AOAH: variants seen among roughly 807,000 people sequenced by gnomAD.
The protein encoded by AOAH is acyloxyacyl hydrolase (neutrophil).
In AOAH, 64 loss-of-function variants were observed where a neutral mutation model predicts 92.2. That is an observed-to-expected ratio of 0.69 (90% CI 0.57 to 0.86). The LOEUF (loss-of-function observed/expected upper bound fraction) is 0.86, where lower values mean the gene tolerates loss of function less well. AOAH is among the 40% of genes least tolerant of loss of function. The pLI is 0.00. For missense variants in AOAH, 656 were observed against 694.6 expected (o/e 0.94, Z 0.62); for synonymous variants, 263 against 254.5 (o/e 1.03, Z -0.32).
chr7:36,514,474 T>C, intron 20 of AOAH: 1 of 1,534,418 alleles, frequency 6.5e-7, no homozygotes, highest in Non-Finnish European at 8.7e-7. Context: ...AGGCTTACTC[T>C]CTGGTTCTGC....
intron 11 of AOAH, among the ~76,000 whole-genome samples, chr7:36,608,910 AGGG>A (rs1198057785): frequency 5.8e-4 from 10 of 17,266 alleles, no homozygotes; most frequent in Admixed American, 1.4e-3. Context: ...TGCGGCGGGG[AGGG>A]GGGGGGGTCT....
intron 3 of AOAH, among the ~76,000 whole-genome samples, chr7:36,666,345 A>C (rs1795530904): frequency 6.6e-6 from 1 of 152,026 alleles, no homozygotes; most frequent in African/African-American, 2.4e-5. Flanking sequence ...AATTATTCAT[A>C]ATATTTCTTG....
At chr7:36,557,605 G>T (rs1284948169) in intron 13 of AOAH, among the ~76,000 whole-genome samples, 1 of 152,154 alleles carries the variant, frequency 6.6e-6, no homozygotes, top group Non-Finnish European at 1.5e-5. Context: ...CATTCTCCCT[G>T]TCACTTTCAG....
At position 36,556,128 on chromosome 7, in the gene AOAH, T is replaced by C. The variant is rs1394037500; in HGVS notation, c.1022-6653A>G. 3.3e-5 allele frequency among the ~76,000 whole-genome samples: 5 copies of C among 152,202 alleles called. No individual in the cohort carries two copies. In the East Asian group the frequency reaches 9.6e-4, roughly 29 times the overall value. ...TTTCTCTTGTGGACATTTAGTGCTA[T>C]AAATTTCCCTCTACACACTGCTTTT... On this transcript the variant is annotated intron_variant, in intron 13 of 20. Transcript: ENST00000617537.
intron 13 of AOAH, among the ~76,000 whole-genome samples, chr7:36,575,100 A>C (rs921842199): frequency 3.3e-5 from 5 of 152,096 alleles, no homozygotes; most frequent in Non-Finnish European, 7.3e-5. Flanking sequence ...TCACTAAAGG[A>C]AAAAGAAAGT....
At chr7:36,719,840 G>A (rs1472810182) in intron 1 of AOAH, among the ~76,000 whole-genome samples, 6 of 152,212 alleles carry the variant, frequency 3.9e-5, no homozygotes. Context: ...GGAGGCTGAG[G>A]TGGGAGGATC....
chr7:36,592,351 C>T (rs1042621492), intron 12 of AOAH, among the ~76,000 whole-genome samples: 1 of 152,152 alleles, frequency 6.6e-6, no homozygotes, highest in African/African-American at 2.4e-5. Flanking sequence ...GAAGATGGGA[C>T]TGAGGCTAGG....
At position 36,632,114 on chromosome 7, in the gene AOAH, G is replaced by GA. The variant is rs3832509; in HGVS notation, c.451-9dup. Reference sequence around the variant, plus strand: ...ACCACTTCTAGAATATTTCTGGGGAGAAAAAAAAAAACAAAAAGAGAGTTG... The same window carrying GA: ...ACCACTTCTAGAATATTTCTGGGGAGAAAAAAAAAAAACAAAAAGAGAGTTG... On this transcript the variant is annotated splice_polypyrimidine_tract_variant and intron_variant, in intron 5 of 20. Coordinates refer to ENST00000617537, the MANE Select transcript of AOAH (RefSeq NM_001637.4). 0.072 allele frequency: 74,931 copies of GA among 1,044,722 alleles called. No individual in the cohort carries two copies. The highest frequency in any genetic ancestry group is 0.076 in the South Asian group (4,229 of 55,576). The allele number at this position is 1,044,722 out of a possible 1,614,324, so 64.7% of individuals were successfully genotyped here.
At chr7:36,668,831 T>C (rs1795724509) in intron 3 of AOAH, among the ~76,000 whole-genome samples, 1 of 152,258 alleles carries the variant, frequency 6.6e-6, no homozygotes, top group Non-Finnish European at 1.5e-5. Flanking sequence ...TGTTGGTTTT[T>C]CAGTTTGTTC....
chr7:36,530,305 TA>T, intron 19 of AOAH, 112 bp downstream of exon 19: 1 of 710,704 alleles, frequency 1.4e-6, no homozygotes, highest in Non-Finnish European at 2.5e-6. Flanking sequence ...TAGGCAGGAG[TA>T]ACCCTGCCGA....
intron 2 of AOAH, among the ~76,000 whole-genome samples, chr7:36,682,802 TA>T (rs1436063373): frequency 6.6e-6 from 1 of 151,158 alleles, no homozygotes; most frequent in East Asian, 1.9e-4. Context: ...AATTTTAAGA[TA>T]AAAATAAATA....
At chr7:36,535,758 A>AT (rs11419931) in intron 16 of AOAH, among the ~76,000 whole-genome samples, 152,285 of 152,292 alleles carry the variant, frequency 1, 76,139 homozygotes, top group Middle Eastern at 1. Flanking sequence ...GAGGACACAG[A>AT]TGCATCTTAT....
At chr7:36,532,262 T>G in intron 17 of AOAH, 24 bp downstream of exon 17, 1 of 1,614,110 alleles carries the variant, frequency 6.2e-7, no homozygotes, top group Non-Finnish European at 8.5e-7. Context: ...AAGCGGGCCT[T>G]GAAGCAAGCC....
intron 6 of AOAH, among the ~76,000 whole-genome samples, chr7:36,628,969 A>G (rs944296956): frequency 6.6e-6 from 1 of 152,230 alleles, no homozygotes; most frequent in African/African-American, 2.4e-5. Context: ...GACCTTGCAC[A>G]AATGATTTTA....
At chr7:36,524,754 A>T (rs1274376218) in intron 19 of AOAH, among the ~76,000 whole-genome samples, 1 of 151,328 alleles carries the variant, frequency 6.6e-6, no homozygotes, top group Non-Finnish European at 1.5e-5. Context: ...TTTTTTTTAA[A>T]CCATGTGAGG....
At chr7:36,660,469 C>T (rs1288555138) in intron 3 of AOAH, among the ~76,000 whole-genome samples, 1 of 152,156 alleles carries the variant, frequency 6.6e-6, no homozygotes, top group East Asian at 1.9e-4. Context: ...GCACCCACCA[C>T]CATGCTTGGC....
At chr7:36,572,916 G>A (rs939101614) in intron 13 of AOAH, among the ~76,000 whole-genome samples, 3 of 152,176 alleles carry the variant, frequency 2.0e-5, no homozygotes, top group Non-Finnish European at 4.4e-5. Flanking sequence ...CAGGAGGATG[G>A]GGAAGATGGC....
chr7:36,565,536 CTT>C (rs200870748), intron 13 of AOAH, among the ~76,000 whole-genome samples: 31 of 143,962 alleles, frequency 2.2e-4, no homozygotes, highest in Non-Finnish European at 2.1e-4. Flanking sequence ...GTAAACATCT[CTT>C]TTTTTTTTTT....
chr7:36,570,007 G>A (rs752866144), intron 13 of AOAH, among the ~76,000 whole-genome samples: 1 of 151,804 alleles, frequency 6.6e-6, no homozygotes, highest in Non-Finnish European at 1.5e-5. Context: ...TTGTTTTATT[G>A]TGGTAAGAAC....
Sources: allele counts gnomAD v4.1 joint callset (sites outside exome capture counted in the v4.1 genomes callset), GRCh38; gene constraint gnomAD v4.1.1; transcripts MANE v1.5; gene names NCBI Gene and HGNC (gene_info 2026-07-23, HGNC 2026-07-21).